ARFIP2: variants seen among roughly 807,000 people sequenced by gnomAD.
ARFIP2 encodes arfaptin-2.
Under a neutral mutation model 39.2 loss-of-function variants are expected in ARFIP2, and 14 were observed. That is an observed-to-expected ratio of 0.36 (90% CI 0.24 to 0.56). The LOEUF (loss-of-function observed/expected upper bound fraction) is 0.56. Ranked by LOEUF, ARFIP2 falls within the 20% of genes least tolerant of loss-of-function variation. ARFIP2 has a pLI of 0.85. For synonymous variants in ARFIP2, 167 were observed against 172.4 expected (o/e 0.97, Z 0.24); for missense variants, 305 against 422.5 (o/e 0.72, Z 2.44).
rs767285593 is a variant in ARFIP2, at chr11:6,477,739, G to C, written c.849C>G (p.Leu283=). The change falls in exon 7 of 8, where the codon CTC becomes CTG. Residue 283 remains leucine, a synonymous_variant. Coordinates refer to ENST00000396777, the MANE Select transcript of ARFIP2 (RefSeq NM_001376558.2). This position sits in a 1 kb window ranked among gnomAD's most constrained non-coding sequence, Gnocchi z 4.8. ...GCACCTTGTTTTCTTCCAGGAACTT[G>C]AGCTTGATGGCCACATCTCCCCGCA... ...EKLRGDVAIK[L]KFLEENKIKV... is the part of the protein sequence containing the mutation. 6.2e-7 allele frequency: 1 copy of C among 1,613,906 alleles called. No homozygotes were observed. The highest frequency in any genetic ancestry group is 1.1e-5 in the South Asian group (1 of 91,058).
rs900211313 is a variant in ARFIP2 at position 6,480,153 on chromosome 11, A to G, written c.100-85T>C. The G allele has an allele frequency of 3.0e-6, 4 of 1,351,762 alleles. No homozygotes were observed. The African/African-American group carries it at 5.8e-5, about 20-fold the overall frequency. The allele number at this position is 1,351,762 out of a possible 1,614,324, so 83.7% of individuals were successfully genotyped here. On this transcript the variant is annotated intron_variant, in intron 2 of 7. Coordinates refer to ENST00000396777, the MANE Select transcript of ARFIP2 (RefSeq NM_001376558.2). ...GGTGGGAACAAGTTTGGATTCAAGCATCATAAAGATAGTACACAAGGGAAG... is the reference window on the plus strand; with the variant it reads ...GGTGGGAACAAGTTTGGATTCAAGCGTCATAAAGATAGTACACAAGGGAAG...
In ARFIP2 at chr11:6,477,781, C is replaced by T. The variant is rs1417700232; in HGVS notation, c.807G>A (p.Arg269=). ...CTCCCCGCAGCTTCTCATACTTGTC[C>T]CGATGGGCCTGGAAAGTGGCCTGGG... The part of the protein sequence containing the change: ...ESAQATFQAH[R]DKYEKLRGDV... The change falls in exon 7 of 8, where the codon CGG becomes CGA. Residue 269 remains arginine, a synonymous_variant. Coordinates refer to ENST00000396777, the MANE Select transcript of ARFIP2 (RefSeq NM_001376558.2). The surrounding 1 kb of genome is among the most constrained non-coding windows in gnomAD (Gnocchi z 4.8). 1 of 1,613,952 alleles carries T rather than the reference C, an allele frequency of 6.2e-7. No individual in the cohort carries two copies.
chr11:6,480,212 TGAAG>T (rs1237639046), intron 2 of ARFIP2, 107 bp downstream of exon 2: 28 of 1,289,138 alleles, frequency 2.2e-5, no homozygotes, highest in East Asian at 7.2e-5. Flanking sequence ...GTAAAAAGAA[TGAAG>T]GGAGTCAGAT....
At position 6,477,241 on chromosome 11, in the gene ARFIP2, G is replaced by A. The variant is rs375721029; in HGVS notation, c.898C>T (p.Leu300Phe). 11 of 1,613,590 alleles carry A rather than the reference G, an allele frequency of 6.8e-6. No individual in the cohort carries two copies. Among genetic ancestry groups the A allele is most frequent in the Non-Finnish European group, 9.3e-6 (11 of 1,179,812 alleles). The part of the protein sequence containing the change: ...KIKVMHKQLL[L>F]FHNAVSAYFA... ...TAGGCGGACACAGCATTGTGGAAGA[G>A]CAGCAGCTGCTTGTGCATCACCTTG... The change falls in exon 8 of 8, where the codon CTC (leucine) becomes TTC (phenylalanine). Residue 300 changes from leucine (L) to phenylalanine (F), a missense_variant. Coordinates refer to ENST00000396777, the MANE Select transcript of ARFIP2 (RefSeq NM_001376558.2). This position sits in a 1 kb window ranked among gnomAD's most constrained non-coding sequence, Gnocchi z 4.8.
rs1851241985 is a variant in ARFIP2, at chr11:6,477,758, C to A, written c.830G>T (p.Gly277Val). The A allele has an allele frequency of 6.2e-7, 1 of 1,613,788 alleles. No individual in the cohort carries two copies. Among genetic ancestry groups the A allele is most frequent in the Non-Finnish European group, 8.5e-7 (1 of 1,179,936 alleles). Residue 277 changes from glycine (G) to valine (V), a missense_variant, in exon 7 of 8, where the codon GGA becomes GTA. This residue lies in a region of ARFIP2 where 112 missense variants were observed against 118.2 expected (regional missense o/e 0.95). Coordinates refer to ENST00000396777, the MANE Select transcript of ARFIP2 (RefSeq NM_001376558.2). The surrounding 1 kb of genome is among the most constrained non-coding windows in gnomAD (Gnocchi z 4.8). ...AHRDKYEKLRGDVAIKLKFLE... is the reference protein window; with the variant it reads ...AHRDKYEKLRVDVAIKLKFLE... The stretch of plus-strand genomic sequence containing the variant: ...GAACTTGAGCTTGATGGCCACATCT[C>A]CCCGCAGCTTCTCATACTTGTCCCG...
In ARFIP2 at chr11:6,476,904, C is replaced by G; in HGVS notation, c.*209G>C. Reference sequence around the variant, plus strand: ...AAGATCTGGGAATGAAGCCCTGTGGCCAGGAAGATAGACAGGGCAGCAACT... The same window carrying G: ...AAGATCTGGGAATGAAGCCCTGTGGGCAGGAAGATAGACAGGGCAGCAACT... On this transcript the variant is annotated 3_prime_UTR_variant, in exon 8 of 8. Transcript: ENST00000396777. 1.9e-6 allele frequency: 1 copy of G among 539,936 alleles called. No individual in the cohort carries two copies. The highest frequency in any genetic ancestry group is 3.2e-6 in the Non-Finnish European group (1 of 310,048). 33.4% of individuals were successfully genotyped at this position (539,936 alleles called of 1,614,324 possible).
chr11:6,476,817 A>T lies in ARFIP2; in HGVS notation c.*296T>A, dbSNP rs2134267843. ...GGTCAGGGAGCACACCCCAGCCTGA[A>T]GAGTGATGCCATTGGCCAGGGAGTG... On this transcript the variant is annotated 3_prime_UTR_variant, in exon 8 of 8. Transcript: ENST00000396777. 2.9e-6 allele frequency: 1 copy of T among 346,190 alleles called. No individual in the cohort carries two copies. The highest frequency in any genetic ancestry group is 5.6e-5 in the East Asian group (1 of 17,872). The allele number at this position is 346,190 out of a possible 1,614,324, so 21.4% of individuals were successfully genotyped here. A position where few individuals can be genotyped will look rare whatever the true frequency, so the allele number is the denominator to read the frequency against.
Position 6,480,015 on chromosome 11 carries a change from C to T in ARFIP2, c.153G>A (p.Val51=), listed in dbSNP as rs1162697916. 3 of 1,614,028 alleles carry T rather than the reference C, an allele frequency of 1.9e-6. No homozygotes were observed. The highest frequency in any genetic ancestry group is 3.3e-5 in the Admixed American group (2 of 59,998). ...SGPNLNETSI[V]SGGYGGSGDG... ...CACCAGAGCCCCCATAGCCACCAGA[C>T]ACAATGCTGGTTTCATTGAGGTTGG... The change falls in exon 3 of 8, where the codon GTG becomes GTA. Residue 51 remains valine (V), a synonymous_variant. Transcript: ENST00000396777.
chr11:6,480,219 A>T, intron 2 of ARFIP2, 104 bp downstream of exon 2: 1 of 1,278,706 alleles, frequency 7.8e-7, no homozygotes, highest in South Asian at 1.2e-5. Flanking sequence ...GAATGAAGGG[A>T]GTCAGATAAG....
In ARFIP2 at chr11:6,478,297, A is replaced by G. The variant is rs1851316594; in HGVS notation, c.538-99T>C. On this transcript the variant is annotated intron_variant, in intron 5 of 7. Coordinates refer to ENST00000396777, the MANE Select transcript of ARFIP2 (RefSeq NM_001376558.2). This position sits in a 1 kb window ranked among gnomAD's most constrained non-coding sequence, Gnocchi z 4.8. ...CCTCCTCCCCGGGGAGGACACAGCC[A>G]GCAAAACTGGAACAACCAAGGACTG... The G allele has an allele frequency of 7.0e-7, 1 of 1,437,502 alleles. No individual in the cohort carries two copies. The highest frequency in any genetic ancestry group is 9.6e-7 in the Non-Finnish European group (1 of 1,045,524). 89.0% of individuals were successfully genotyped at this position (1,437,502 alleles called of 1,614,324 possible). A position where few individuals can be genotyped will look rare whatever the true frequency, so the allele number is the denominator to read the frequency against.
rs1475838536 is a variant in ARFIP2 at position 6,477,393 on chromosome 11, G to A, written c.871-125C>T. 1 of 1,137,848 alleles carries A rather than the reference G, an allele frequency of 8.8e-7. No homozygotes were observed. Among genetic ancestry groups the A allele is most frequent in the Non-Finnish European group, 1.2e-6 (1 of 820,256 alleles). The allele number at this position is 1,137,848 out of a possible 1,614,324, so 70.5% of individuals were successfully genotyped here. On this transcript the variant is annotated intron_variant, in intron 7 of 7. Transcript: ENST00000396777. The surrounding 1 kb of genome is among the most constrained non-coding windows in gnomAD (Gnocchi z 4.8). ...CTCTGATGGTGCTTTTGGGGTAGGG[G>A]CTGAACTCTACCCAGGGAGTCAAAG...
rs1313950621 is a variant in ARFIP2, at chr11:6,477,208, C to T, written c.931G>A (p.Gly311Arg). The T allele has an allele frequency of 6.2e-7, 1 of 1,613,504 alleles. No homozygotes were observed. The highest frequency in any genetic ancestry group is 1.7e-5 in the Admixed American group (1 of 59,962). Residue 311 changes from glycine (G) to arginine (R), a missense_variant, in exon 8 of 8, where the codon GGG becomes AGG. Physicochemically the swap from Gly to Arg is moderately radical, Grantham distance 125 (BLOSUM62 -2). This residue lies in a region of ARFIP2 where 112 missense variants were observed against 118.2 expected (regional missense o/e 0.95). Transcript: ENST00000396777. The surrounding 1 kb of genome is among the most constrained non-coding windows in gnomAD (Gnocchi z 4.8). ...GTCTGCTCCAGCTGTTTCTGGTTCC[C>T]AGCAAAGTAGGCGGACACAGCATTG... ...FHNAVSAYFA[G>R]NQKQLEQTLQ...
Position 6,477,220 on chromosome 11 carries a change from C to A in ARFIP2, c.919G>T (p.Ala307Ser). 6.2e-7 allele frequency: 1 copy of A among 1,613,508 alleles called. No individual in the cohort carries two copies. Among genetic ancestry groups the A allele is most frequent in the Non-Finnish European group, 8.5e-7 (1 of 1,179,772 alleles). ...QLLLFHNAVS[A>S]YFAGNQKQLE... is the part of the protein sequence containing the mutation. ...TGTTTCTGGTTCCCAGCAAAGTAGGCGGACACAGCATTGTGGAAGAGCAGC... is the reference window on the plus strand; with the variant it reads ...TGTTTCTGGTTCCCAGCAAAGTAGGAGGACACAGCATTGTGGAAGAGCAGC... The change falls in exon 8 of 8, where the codon GCC (alanine) becomes TCC (serine). Residue 307 changes from alanine (A) to serine (S), a missense_variant. Physicochemically the swap from Ala to Ser is moderately conservative, Grantham distance 99 (BLOSUM62 1). Coordinates refer to ENST00000396777, the MANE Select transcript of ARFIP2 (RefSeq NM_001376558.2). This position sits in a 1 kb window ranked among gnomAD's most constrained non-coding sequence, Gnocchi z 4.8.
chr11:6,477,647 G>C lies in ARFIP2; in HGVS notation c.870+71C>G. On this transcript the variant is annotated intron_variant, in intron 7 of 7. Coordinates refer to ENST00000396777, the MANE Select transcript of ARFIP2 (RefSeq NM_001376558.2). The surrounding 1 kb of genome is among the most constrained non-coding windows in gnomAD (Gnocchi z 4.8). ...GCTGCATTTCCTCATTCAATAATGG[G>C]GAGGGTCTGAGGGGAAGGTTAGTGT... 1 of 1,537,460 alleles carries C rather than the reference G, an allele frequency of 6.5e-7. No homozygotes were observed. The highest frequency in any genetic ancestry group is 8.9e-7 in the Non-Finnish European group (1 of 1,128,288).
Position 6,477,720 on chromosome 11 carries a change from T to C in ARFIP2, c.868A>G (p.Lys290Glu). 1 of 1,613,718 alleles carries C rather than the reference T, an allele frequency of 6.2e-7. No homozygotes were observed. ...GGTCAAGGGGGTGGGGTTGGCACCT[T>C]GTTTTCTTCCAGGAACTTGAGCTTG... ...AIKLKFLEEN[K>E]IKVMHKQLLL... The change falls in exon 7 of 8, where the codon AAG becomes GAG. Residue 290 changes from lysine (K) to glutamate (E), a missense_variant and splice_region_variant. Transcript: ENST00000396777. The surrounding 1 kb of genome is among the most constrained non-coding windows in gnomAD (Gnocchi z 4.8).
Position 6,477,109 on chromosome 11 carries a change from C to A in ARFIP2, c.*4G>T. 1 of 1,607,122 alleles carries A rather than the reference C, an allele frequency of 6.2e-7. No homozygotes were observed. The highest frequency in any genetic ancestry group is 8.5e-7 in the Non-Finnish European group (1 of 1,175,664). ...CTTGATAGCCAAGTTGGGCTGGGAG[C>A]AGCTCACTGCTCCTCTAGCCAGGAG... On this transcript the variant is annotated 3_prime_UTR_variant, in exon 8 of 8. Transcript: ENST00000396777. The surrounding 1 kb of genome is among the most constrained non-coding windows in gnomAD (Gnocchi z 4.8).
chr11:6,477,276 T>C lies in ARFIP2; in HGVS notation c.871-8A>G, dbSNP rs1472634950. 3.7e-6 allele frequency: 6 copies of C among 1,610,982 alleles called. No homozygotes were observed. The African/African-American group carries it at 4.0e-5, about 11-fold the overall frequency. On this transcript the variant is annotated splice_polypyrimidine_tract_variant and splice_region_variant and intron_variant, in intron 7 of 7. Coordinates refer to ENST00000396777, the MANE Select transcript of ARFIP2 (RefSeq NM_001376558.2). This position sits in a 1 kb window ranked among gnomAD's most constrained non-coding sequence, Gnocchi z 4.8. ...CTTGTGCATCACCTTGATCTGGGGG[T>C]CCAGCAGGGTCAGCTAAGGCTGGAC...
intron 1 of ARFIP2, 81 bp from the exon 2 acceptor site, chr11:6,480,544 C>G (rs533015944): frequency 9.0e-5 from 65 of 721,426 alleles, no homozygotes; most frequent in Non-Finnish European, 1.3e-4. Flanking sequence ...TCTTTAAAGG[C>G]TGTCCCAGGG....
At position 6,481,301 on chromosome 11, in the gene ARFIP2, C is replaced by G. The variant is rs1851746605; in HGVS notation, c.-113G>C. ...CGCGGGGACCTCGGGCTCCAGTTCC[C>G]GTCGCGATCCTAGCAGCAGGTCAGG... On this transcript the variant is annotated 5_prime_UTR_variant, in exon 1 of 8. Transcript: ENST00000396777. 1 of 717,218 alleles carries G rather than the reference C, an allele frequency of 1.4e-6. No individual in the cohort carries two copies. The highest frequency in any genetic ancestry group is 2.3e-6 in the Non-Finnish European group (1 of 439,580). 44.4% of individuals were successfully genotyped at this position (717,218 alleles called of 1,614,324 possible).
Sources: allele counts gnomAD v4.1 joint callset, GRCh38; gene constraint gnomAD v4.1.1; regional missense constraint gnomAD v4.1.1; non-coding constraint Gnocchi (gnomAD v3.1); transcripts MANE v1.5; gene names NCBI Gene and HGNC (gene_info 2026-07-23, HGNC 2026-07-21).